SPEM2: variants seen among roughly 807,000 people sequenced by gnomAD.
The protein encoded by SPEM2 is uncharacterized protein SPEM2.
Under a neutral mutation model 9.3 loss-of-function variants are expected in SPEM2, and 15 were observed. The observed-to-expected ratio is 1.62, with a 90% CI of 1.08 to 2.50. The LOEUF (loss-of-function observed/expected upper bound fraction) is 2.50. SPEM2 is among the 30% of genes most tolerant of loss of function. SPEM2 has a pLI of 0.00. For synonymous variants in SPEM2, 268 were observed against 272.4 expected (o/e 0.98, Z 0.16); for missense variants, 678 against 690.0 (o/e 0.98, Z 0.19).
At position 7,426,060 on chromosome 17, in the gene SPEM2, G is replaced by A. The variant is rs112559835; in HGVS notation, c.196+10G>A. 7.9e-3 allele frequency: 12,749 copies of A among 1,614,176 alleles called. 80 individuals carry two copies. The highest frequency in any genetic ancestry group is 9.3e-3 in the Non-Finnish European group (11,021 of 1,180,020). On this transcript the variant is annotated intron_variant, in intron 2 of 2. Transcript: ENST00000333870. The surrounding 1 kb of genome is among the most constrained non-coding windows in gnomAD (Gnocchi z 5.3). ...TGGGCTACTCAGAAAAGTAAGTGTG[G>A]CTGCTGGAGAGGTAGGGGACCCCCA...
Position 7,426,835 on chromosome 17 carries a change from C to CA in SPEM2, c.844_845insA (p.Pro282HisfsTer8). Reference sequence around the variant, plus strand: ...TGAGCAGTGGGCCTCGTCTCCACCACCTCCCCACCGGCTGCCCCCTAACCC... The same window carrying CA: ...TGAGCAGTGGGCCTCGTCTCCACCACACTCCCCACCGGCTGCCCCCTAACCC... On this transcript the variant is annotated frameshift_variant, in exon 3 of 3. Transcript: ENST00000333870. LOFTEE classifies it low-confidence loss of function (END_TRUNC). The surrounding 1 kb of genome is among the most constrained non-coding windows in gnomAD (Gnocchi z 5.3). 1 of 1,609,722 alleles carries CA rather than the reference C, an allele frequency of 6.2e-7. No individual in the cohort carries two copies. The highest frequency in any genetic ancestry group is 8.5e-7 in the Non-Finnish European group (1 of 1,177,884).
chr17:7,426,303 C>T lies in SPEM2; in HGVS notation c.312C>T (p.Tyr104=), dbSNP rs1213195299. 4 of 1,614,170 alleles carry T rather than the reference C, an allele frequency of 2.5e-6. No homozygotes were observed. Among genetic ancestry groups the T allele is most frequent in the East Asian group, 2.2e-5 (1 of 44,876 alleles). The change falls in exon 3 of 3, where the codon TAC becomes TAT. Residue 104 remains tyrosine (Y), a synonymous_variant. Transcript: ENST00000333870. This position sits in a 1 kb window ranked among gnomAD's most constrained non-coding sequence, Gnocchi z 5.3. ...VQVKMSRPTQ[Y]SSFSCHHFSN... ...TGAAGATGTCCCGACCCACGCAGTACTCCTCTTTCTCCTGCCACCATTTCT... is the reference window on the plus strand; with the variant it reads ...TGAAGATGTCCCGACCCACGCAGTATTCCTCTTTCTCCTGCCACCATTTCT...
In SPEM2 at chr17:7,426,570, C is replaced by A; in HGVS notation, c.579C>A (p.Phe193Leu). The change falls in exon 3 of 3, where the codon TTC (phenylalanine) becomes TTA (leucine). Residue 193 changes from phenylalanine (F) to leucine (L), a missense_variant. By Grantham distance (22) the Phe-to-Leu change is conservative. Transcript: ENST00000333870. This position sits in a 1 kb window ranked among gnomAD's most constrained non-coding sequence, Gnocchi z 5.3. ...TGGAGGAGGAGGACAACCTGCCCTT[C>A]CCGTATCCCAAGTACCCACGTCGCG... Reference protein sequence around the residue: ...SYLEEEDNLPFPYPKYPRRGW... With the variant: ...SYLEEEDNLPLPYPKYPRRGW... 1 of 1,614,228 alleles carries A rather than the reference C, an allele frequency of 6.2e-7. No individual in the cohort carries two copies. Among genetic ancestry groups the A allele is most frequent in the Non-Finnish European group, 8.5e-7 (1 of 1,180,052 alleles).
chr17:7,427,325 T>C lies in SPEM2; in HGVS notation c.1334T>C (p.Phe445Ser). The stretch of plus-strand genomic sequence containing the variant: ...GACCCTGCCCCTCCCCCGACCATGT[T>C]TGTCCCACTCAGCCGGAATCCAGGG... ...AADPAPPPTM[F>S]VPLSRNPGGN... The change falls in exon 3 of 3, where the codon TTT becomes TCT. Residue 445 changes from phenylalanine to serine, a missense_variant. Coordinates refer to ENST00000333870, the MANE Select transcript of SPEM2 (RefSeq NM_175734.5). This position sits in a 1 kb window ranked among gnomAD's most constrained non-coding sequence, Gnocchi z 5.4. The C allele has an allele frequency of 1.9e-6, 3 of 1,614,030 alleles. No homozygotes were observed. In the East Asian group the frequency reaches 6.7e-5, roughly 36 times the overall value.
rs146528431 is a variant in SPEM2, at chr17:7,426,988, C to T, written c.997C>T (p.Arg333Trp). 7.1e-3 allele frequency: 11,484 copies of T among 1,611,492 alleles called. 61 individuals are homozygous for T. Among genetic ancestry groups the T allele is most frequent in the Non-Finnish European group, 8.0e-3 (9,496 of 1,179,770 alleles). Residue 333 changes from arginine to tryptophan, a missense_variant, in exon 3 of 3, where the codon CGG (arginine) becomes TGG (tryptophan). Coordinates refer to ENST00000333870, the MANE Select transcript of SPEM2 (RefSeq NM_175734.5). The surrounding 1 kb of genome is among the most constrained non-coding windows in gnomAD (Gnocchi z 5.3). ...CCCTGCCTCGGTGTCCCGGAACGCC[C>T]GGCCTGAGGCCCAGGGCTGCCGGGA... is the stretch of plus-strand genomic sequence containing the variant. ...RPPASVSRNA[R>W]PEAQGCREHH...
Position 7,425,803 on chromosome 17 carries a change from AT to A in SPEM2, c.117del (p.Ile39MetfsTer8). The stretch of plus-strand genomic sequence containing the variant: ...GCTGGGCCTCATCGTTCTTGTCAAC[AT>A]TGGCATCAACGTGGCAACTATGGTC... Reference protein sequence around the residue: ...LLLGLIVLVNIGINVATMMWH... With the variant: ...LLLGLIVLVNXGINVATMMWH... On this transcript the variant is annotated frameshift_variant, in exon 1 of 3. Transcript: ENST00000333870. LOFTEE classifies it high-confidence loss of function. The A allele has an allele frequency of 1.2e-6, 2 of 1,614,170 alleles. No individual in the cohort carries two copies. The highest frequency in any genetic ancestry group is 4.5e-5 in the East Asian group (2 of 44,886).
chr17:7,425,872 G>T (rs1381051650), intron 1 of SPEM2, 46 bp downstream of exon 1: 3 of 1,612,980 alleles, frequency 1.9e-6, no homozygotes, highest in Non-Finnish European at 2.5e-6. Context: ...CAGGGCCAAG[G>T]GTGGGAGCCA....
chr17:7,427,197 C>G lies in SPEM2; in HGVS notation c.1206C>G (p.Ala402=). 6.2e-7 allele frequency: 1 copy of G among 1,614,226 alleles called. No individual in the cohort carries two copies. Among genetic ancestry groups the G allele is most frequent in the Non-Finnish European group, 8.5e-7 (1 of 1,180,028 alleles). Residue 402 remains alanine, a synonymous_variant, in exon 3 of 3, where the codon GCC becomes GCG. Transcript: ENST00000333870. The surrounding 1 kb of genome is among the most constrained non-coding windows in gnomAD (Gnocchi z 5.4). ...CCTGGCGTCCTCTGACTACCTCTGC[C>G]TCCCTCACGGTGTTGGACGAGGCCT... The part of the protein sequence containing the change: ...LPAWRPLTTS[A]SLTVLDEASH...
rs1907552387 is a variant in SPEM2, at chr17:7,425,635, C to T, written c.-54C>T. On this transcript the variant is annotated 5_prime_UTR_variant, in exon 1 of 3. Coordinates refer to ENST00000333870, the MANE Select transcript of SPEM2 (RefSeq NM_175734.5). ...GGCATGAGTGCAGTGTGGGTTGGGG[C>T]CGGGGGTGGGGGGCAGAGGGGGGTG... 3.9e-6 allele frequency: 6 copies of T among 1,538,906 alleles called. No individual in the cohort carries two copies. The highest frequency in any genetic ancestry group is 1.5e-5 in the African/African-American group (1 of 64,634).
rs1380957459 is a variant in SPEM2, at chr17:7,427,061, A to G, written c.1070A>G (p.Tyr357Cys). The change falls in exon 3 of 3, where the codon TAT (tyrosine) becomes TGT (cysteine). Residue 357 changes from tyrosine to cysteine, a missense_variant. Coordinates refer to ENST00000333870, the MANE Select transcript of SPEM2 (RefSeq NM_175734.5). This position sits in a 1 kb window ranked among gnomAD's most constrained non-coding sequence, Gnocchi z 5.4. ...CAGCAGAGCCTGCTTGGTCACGCCT[A>G]TGGCCAGTCCCACCGCAGTCCCCAC... ...SHQQSLLGHAYGQSHRSPHPS... is the reference protein window; with the variant it reads ...SHQQSLLGHACGQSHRSPHPS... 11 of 1,612,770 alleles carry G rather than the reference A, an allele frequency of 6.8e-6. No individual in the cohort carries two copies. The highest frequency in any genetic ancestry group is 8.5e-6 in the Non-Finnish European group (10 of 1,179,886).
Position 7,426,052 on chromosome 17 carries a change from T to C in SPEM2, c.196+2T>C, listed in dbSNP as rs1394886379. The C allele has an allele frequency of 1.2e-6, 2 of 1,614,116 alleles. No homozygotes were observed. Among genetic ancestry groups the C allele is most frequent in the African/African-American group, 1.3e-5 (1 of 74,992 alleles). On this transcript the variant is annotated splice_donor_variant, in intron 2 of 2. Transcript: ENST00000333870. LOFTEE classifies it high-confidence loss of function. This position sits in a 1 kb window ranked among gnomAD's most constrained non-coding sequence, Gnocchi z 5.3. ...TGATTGATTGGGCTACTCAGAAAAG[T>C]AAGTGTGGCTGCTGGAGAGGTAGGG...
At chr17:7,425,942 T>C (rs562221750) in intron 1 of SPEM2, 51 bp from the exon 2 acceptor site, 2 of 1,610,978 alleles carry the variant, frequency 1.2e-6, no homozygotes, top group Non-Finnish European at 1.7e-6. Context: ...GCAGGGGTGG[T>C]GGTGCTGGGC....
chr17:7,426,078 G>A lies in SPEM2; in HGVS notation c.196+28G>A, dbSNP rs767198056. ...AAGTGTGGCTGCTGGAGAGGTAGGG[G>A]ACCCCCATCCCCACCCCTGACAATG... is the stretch of plus-strand genomic sequence containing the variant. On this transcript the variant is annotated intron_variant, in intron 2 of 2. Transcript: ENST00000333870. The surrounding 1 kb of genome is among the most constrained non-coding windows in gnomAD (Gnocchi z 5.3). 2 of 1,613,982 alleles carry A rather than the reference G, an allele frequency of 1.2e-6. No individual in the cohort carries two copies. Among genetic ancestry groups the A allele is most frequent in the Admixed American group, 1.7e-5 (1 of 60,012 alleles).
rs772248989 is a variant in SPEM2, at chr17:7,425,757, C to T, written c.69C>T (p.Ala23=). ...CNQYQESPHD[A]EDILLLLLGL... is the part of the protein sequence containing the mutation. ...AATACCAAGAAAGCCCCCACGATGC[C>T]GAGGACATCTTACTCCTGCTGCTGG... The change falls in exon 1 of 3, where the codon GCC becomes GCT. Residue 23 remains alanine (A), a synonymous_variant. Transcript: ENST00000333870. The T allele has an allele frequency of 2.5e-6, 4 of 1,614,164 alleles. No individual in the cohort carries two copies. Among genetic ancestry groups the T allele is most frequent in the East Asian group, 2.2e-5 (1 of 44,884 alleles).
Position 7,427,316 on chromosome 17 carries a change from C to T in SPEM2, c.1325C>T (p.Pro442Leu), listed in dbSNP as rs532496564. 18 of 1,614,054 alleles carry T rather than the reference C, an allele frequency of 1.1e-5. No homozygotes were observed. Among genetic ancestry groups the T allele is most frequent in the Middle Eastern group, 1.6e-4 (1 of 6,062 alleles). ...KVQAADPAPP[P>L]TMFVPLSRNP... ...CAGGCTGCGGACCCTGCCCCTCCCCCGACCATGTTTGTCCCACTCAGCCGG... is the reference window on the plus strand; with the variant it reads ...CAGGCTGCGGACCCTGCCCCTCCCCTGACCATGTTTGTCCCACTCAGCCGG... The change falls in exon 3 of 3, where the codon CCG (proline) becomes CTG (leucine). Residue 442 changes from proline to leucine, a missense_variant. Coordinates refer to ENST00000333870, the MANE Select transcript of SPEM2 (RefSeq NM_175734.5). This position sits in a 1 kb window ranked among gnomAD's most constrained non-coding sequence, Gnocchi z 5.4.
Position 7,426,369 on chromosome 17 carries a change from C to T in SPEM2, c.378C>T (p.Arg126=). The change falls in exon 3 of 3, where the codon CGC becomes CGT. Residue 126 remains arginine (R), a synonymous_variant. Transcript: ENST00000333870. This position sits in a 1 kb window ranked among gnomAD's most constrained non-coding sequence, Gnocchi z 5.3. Reference sequence around the variant, plus strand: ...GCAGTCTTCTTCGCTGTGTTCGTCGCCGCCGCCGCCGCCACCGCCGTTGTC... The same window carrying T: ...GCAGTCTTCTTCGCTGTGTTCGTCGTCGCCGCCGCCGCCACCGCCGTTGTC... ...HSSSLLRCVR[R]RRRRHRRCRR... is the part of the protein sequence containing the mutation. The T allele has an allele frequency of 1.9e-6, 3 of 1,611,748 alleles. No individual in the cohort carries two copies. The highest frequency in any genetic ancestry group is 1.7e-5 in the Admixed American group (1 of 59,998).
Position 7,427,539 on chromosome 17 carries a change from G to A in SPEM2, c.*42G>A. ...GGGTGTGGGGCAGGGCATGGAGGGA[G>A]AGGAATAAAGAGAAACAGAGTCCAG... On this transcript the variant is annotated 3_prime_UTR_variant, in exon 3 of 3. Coordinates refer to ENST00000333870, the MANE Select transcript of SPEM2 (RefSeq NM_175734.5). This position sits in a 1 kb window ranked among gnomAD's most constrained non-coding sequence, Gnocchi z 5.4. 1 of 1,522,782 alleles carries A rather than the reference G, an allele frequency of 6.6e-7. No homozygotes were observed. The highest frequency in any genetic ancestry group is 2.3e-5 in the East Asian group (1 of 44,020). 94.3% of individuals were successfully genotyped at this position (1,522,782 alleles called of 1,614,324 possible).
rs377350715 is a variant in SPEM2, at chr17:7,426,916, G to C, written c.925G>C (p.Asp309His). Residue 309 changes from aspartate (D) to histidine (H), a missense_variant, in exon 3 of 3, where the codon GAC becomes CAC. Transcript: ENST00000333870. The surrounding 1 kb of genome is among the most constrained non-coding windows in gnomAD (Gnocchi z 5.3). Reference protein sequence around the residue: ...PYPSVGWMLYDSWDQRRRGTE... With the variant: ...PYPSVGWMLYHSWDQRRRGTE... The stretch of plus-strand genomic sequence containing the variant: ...CCCCTCAGTGGGCTGGATGCTGTAT[G>C]ACTCCTGGGATCAGCGGCGTCGTGG... The C allele has an allele frequency of 2.5e-6, 4 of 1,613,234 alleles. No homozygotes were observed. The South Asian group carries it at 3.3e-5, about 13-fold the overall frequency.
At position 7,426,627 on chromosome 17, in the gene SPEM2, G is replaced by A. The variant is rs761321619; in HGVS notation, c.636G>A (p.Leu212=). Residue 212 remains leucine (L), a synonymous_variant, in exon 3 of 3, where the codon CTG becomes CTA. Coordinates refer to ENST00000333870, the MANE Select transcript of SPEM2 (RefSeq NM_175734.5). This position sits in a 1 kb window ranked among gnomAD's most constrained non-coding sequence, Gnocchi z 5.3. ...GWGGFYQRAG[L]PSNVGLWGHQ... is the part of the protein sequence containing the mutation. ...GCGGGTTTTATCAGAGAGCGGGCCTGCCCTCCAATGTGGGGCTGTGGGGCC... is the reference window on the plus strand; with the variant it reads ...GCGGGTTTTATCAGAGAGCGGGCCTACCCTCCAATGTGGGGCTGTGGGGCC... 1.7e-5 allele frequency: 28 copies of A among 1,614,038 alleles called. No homozygotes were observed. The South Asian group carries it at 2.9e-4, about 16-fold the overall frequency.
Sources: allele counts gnomAD v4.1 joint callset, GRCh38; gene constraint gnomAD v4.1.1; non-coding constraint Gnocchi (gnomAD v3.1); transcripts MANE v1.5; gene names NCBI Gene and HGNC (gene_info 2026-07-23, HGNC 2026-07-21).